The following RNF213 variants were observed in gnomAD, a reference collection of about 807,000 sequenced individuals.
The protein encoded by RNF213 is E3 ubiquitin-protein ligase RNF213.
Under a neutral mutation model 514.4 loss-of-function variants are expected in RNF213, and 341 were observed. That is an observed-to-expected ratio of 0.66 (90% CI 0.61 to 0.73). RNF213 has a LOEUF of 0.73. RNF213 is among the 30% of genes least tolerant of loss of function. RNF213 has a pLI of 0.00. For missense variants in RNF213, 5,767 were observed against 6,615.6 expected, an observed-to-expected ratio of 0.87 and a Z score of 4.45; for synonymous variants, 2,655 against 2,658.2, an observed-to-expected ratio of 1.00 and a Z score of 0.04.
intron 2 of RNF213, among the ~76,000 whole-genome samples, chr17:80,270,845 C>T (rs77421497): frequency 0.019 from 2,905 of 152,244 alleles, 59 homozygotes; most frequent in East Asian, 0.11. Flanking sequence ...GGGCTTTGCT[C>T]CATTTCTCTG....
At chr17:80,373,930 G>C (rs1372776022) in intron 49 of RNF213, among the ~76,000 whole-genome samples, 1 of 150,036 alleles carries the variant, frequency 6.7e-6, no homozygotes, top group African/African-American at 2.5e-5. Context: ...TTGAACCCGG[G>C]AGGCAGAGGT....
rs369667044 is a variant in RNF213 at position 80,337,940 on chromosome 17, G to A, written c.4776G>A (p.Leu1592=). 1.2e-5 allele frequency: 18 copies of A among 1,537,204 alleles called. No homozygotes were observed. In the African/African-American group the frequency reaches 2.3e-4, roughly 20 times the overall value. ...LEEVKELLNK[L]MLMSGKKDRN... ...AGGTGAAGGAGCTTTTGAACAAGTTGATGCTGATGTCTGGCAAGAAGGATC... is the reference window on the plus strand; with the variant it reads ...AGGTGAAGGAGCTTTTGAACAAGTTAATGCTGATGTCTGGCAAGAAGGATC... The change falls in exon 25 of 68, where the codon TTG becomes TTA. Residue 1592 remains leucine, a synonymous_variant. Coordinates refer to ENST00000582970, the MANE Select transcript of RNF213 (RefSeq NM_001256071.3).
Position 80,367,781 on chromosome 17 carries a change from G to T in RNF213, c.11905G>T (p.Gly3969Trp). 1 of 1,614,212 alleles carries T rather than the reference G, an allele frequency of 6.2e-7. No homozygotes were observed. Among genetic ancestry groups the T allele is most frequent in the Admixed American group, 1.7e-5 (1 of 60,028 alleles). Residue 3969 changes from glycine (G) to tryptophan (W), a missense_variant, in exon 43 of 68, where the codon GGG becomes TGG. By Grantham distance (184) the Gly-to-Trp change is radical (BLOSUM62 -2). Transcript: ENST00000582970. ...LRENSDVKTH[G>W]PFEAVMRTLC... is the part of the protein sequence containing the mutation. ...AGAGAACTCTGACGTGAAGACGCAC[G>T]GGCCTTTTGAGGCCGTGATGCGCAC...
At chr17:80,383,106 G>A (rs780815851) in intron 58 of RNF213, 36 bp downstream of exon 58, 22 of 1,468,458 alleles carry the variant, frequency 1.5e-5, no homozygotes, top group Admixed American at 1.2e-4. Context: ...GTTGCTCCTC[G>A]GTCCAGAAAG....
intron 38 of RNF213, 40 bp from the exon 39 acceptor site, chr17:80,361,694 T>G: frequency 6.2e-7 from 1 of 1,609,102 alleles, no homozygotes; most frequent in Non-Finnish European, 8.5e-7. Context: ...CGCCATGACT[T>G]AGACGCACTC....
intron 3 of RNF213, 27 bp from the exon 4 acceptor site, chr17:80,287,788 A>G (rs773519568): frequency 6.8e-6 from 11 of 1,611,108 alleles, no homozygotes; most frequent in African/African-American, 2.7e-5. Flanking sequence ...TCTAAGAAAT[A>G]AAGTGAGTGT....
chr17:80,280,855 C>T (rs1401813275), intron 3 of RNF213, among the ~76,000 whole-genome samples: 1 of 152,080 alleles, frequency 6.6e-6, no homozygotes, highest in Non-Finnish European at 1.5e-5. Flanking sequence ...TATAGTAAAG[C>T]TGTCAACGTA....
intron 17 of RNF213, among the ~76,000 whole-genome samples, chr17:80,322,448 T>TGTAGTCATGGTGGCATGC (rs2046171959): frequency 6.6e-6 from 1 of 151,834 alleles, no homozygotes; most frequent in African/African-American, 2.4e-5. Flanking sequence ...TGGTGGCATG[T>TGTAGTCATGGTGGCATGC]GCCTGTAGTC....
intron 25 of RNF213, 57 bp from the exon 26 acceptor site, chr17:80,339,144 A>T: frequency 7.3e-7 from 1 of 1,372,232 alleles, no homozygotes; most frequent in Non-Finnish European, 9.6e-7. Context: ...GTTGCAGAGT[A>T]GCGTGTTACC....
Position 80,393,637 on chromosome 17 carries a change from G to A in RNF213, c.*139G>A. On this transcript the variant is annotated 3_prime_UTR_variant, in exon 68 of 68. Transcript: ENST00000582970. The stretch of plus-strand genomic sequence containing the variant: ...AGCGTAGCACCGAATTCAAGACCAA[G>A]GCGTGCTACCTGAGCTGACAGCTTT... The A allele has an allele frequency of 1.1e-6, 1 of 910,596 alleles. No homozygotes were observed. Among genetic ancestry groups the A allele is most frequent in the South Asian group, 1.5e-5 (1 of 64,542 alleles). 56.4% of individuals were successfully genotyped at this position (910,596 alleles called of 1,614,324 possible).
chr17:80,376,653 A>C (rs1599177552), intron 52 of RNF213, 110 bp downstream of exon 52: 1 of 1,466,508 alleles, frequency 6.8e-7, no homozygotes, highest in African/African-American at 1.4e-5. Context: ...TTATCTCCTC[A>C]GTTCTCTGCC....
chr17:80,362,782 G>A (rs867125456), intron 39 of RNF213, among the ~76,000 whole-genome samples: 5 of 152,212 alleles, frequency 3.3e-5, no homozygotes, highest in South Asian at 4.1e-4. Flanking sequence ...TTAATTGTCC[G>A]GAAATACAGG....
intron 57 of RNF213, 99 bp from the exon 58 acceptor site, chr17:80,382,880 A>C: frequency 1.3e-6 from 1 of 757,726 alleles, no homozygotes; most frequent in Non-Finnish European, 2.4e-6. Context: ...CCTCAAAACG[A>C]GTGTTATTTC....
intron 50 of RNF213, 181 bp downstream of exon 50, chr17:80,374,770 A>AG (rs2079678033): frequency 1.5e-6 from 1 of 670,982 alleles, no homozygotes; most frequent in East Asian, 2.9e-5. Context: ...TGCGTGAACC[A>AG]GTGGCTGGAA....
chr17:80,277,347 C>T (rs1403064952), intron 3 of RNF213, among the ~76,000 whole-genome samples: 1 of 151,966 alleles, frequency 6.6e-6, no homozygotes, highest in African/African-American at 2.4e-5. Context: ...CCTGTAATCC[C>T]AGCACATTGG....
At position 80,288,455 on chromosome 17, in the gene RNF213, G is replaced by T. The variant is rs902134117; in HGVS notation, c.810+92G>T. The stretch of plus-strand genomic sequence containing the variant: ...GGTGCTGGCGTTGCTTCCCTGCCGG[G>T]GGGAGGGGCGTCCTCTGGGCCCTGC... On this transcript the variant is annotated intron_variant, in intron 4 of 67. Coordinates refer to ENST00000582970, the MANE Select transcript of RNF213 (RefSeq NM_001256071.3). The surrounding 1 kb of genome is among the most constrained non-coding windows in gnomAD (Gnocchi z 4.9). 3.8e-6 allele frequency: 6 copies of T among 1,594,004 alleles called. No individual in the cohort carries two copies. Among genetic ancestry groups the T allele is most frequent in the African/African-American group, 1.3e-5 (1 of 74,584 alleles).
In RNF213 at chr17:80,347,278, G is replaced by T; in HGVS notation, c.8943G>T (p.Gln2981His). The T allele has an allele frequency of 6.2e-7, 1 of 1,613,822 alleles. No individual in the cohort carries two copies. Among genetic ancestry groups the T allele is most frequent in the Non-Finnish European group, 8.5e-7 (1 of 1,179,962 alleles). Residue 2981 changes from glutamine to histidine, a missense_variant, in exon 29 of 68, where the codon CAG becomes CAT. By Grantham distance (24) the Gln-to-His change is conservative. This residue lies in a region of RNF213 where 919 missense variants were observed against 1,121.0 expected (regional missense o/e 0.82). Coordinates refer to ENST00000582970, the MANE Select transcript of RNF213 (RefSeq NM_001256071.3). This position sits in a 1 kb window ranked among gnomAD's most constrained non-coding sequence, Gnocchi z 7.2. ...AGCCTTCCCCGCAAGACATTGCACA[G>T]GCTGTCCTTAGGAACTTCAGTGGCA... ...NRKPSPQDIA[Q>H]AVLRNFSGKD...
intron 3 of RNF213, among the ~76,000 whole-genome samples, chr17:80,273,970 A>G (rs912403500): frequency 8.5e-5 from 13 of 152,084 alleles, no homozygotes; most frequent in South Asian, 2.1e-4. Context: ...GTCTCCCAGA[A>G]GCTGTGGCTG....
rs184644421 is a variant in RNF213, at chr17:80,313,183, A to G, written c.2811+16A>G. On this transcript the variant is annotated intron_variant, in intron 15 of 67. Transcript: ENST00000582970. ...GGAAATTGAGGTAGGCATTTGGCCG[A>G]AGGCTTCTGGGTAGGGATGTGACTG... 6.2e-7 allele frequency: 1 copy of G among 1,613,954 alleles called. No homozygotes were observed. Among genetic ancestry groups the G allele is most frequent in the African/African-American group, 1.3e-5 (1 of 75,058 alleles).
Sources: allele counts gnomAD v4.1 joint callset (sites outside exome capture counted in the v4.1 genomes callset), GRCh38; gene constraint gnomAD v4.1.1; regional missense constraint gnomAD v4.1.1; non-coding constraint Gnocchi (gnomAD v3.1); transcripts MANE v1.5; gene names NCBI Gene and HGNC (gene_info 2026-07-23, HGNC 2026-07-21).